GRID2: variants seen among roughly 807,000 people sequenced by gnomAD.
GRID2 encodes the protein glutamate ionotropic receptor delta type subunit 2, also known as glutamate receptor ionotropic, delta-2.
GRID2 carries 33 observed loss-of-function variants against 114.8 expected under a neutral mutation model. The ratio of observed to expected loss-of-function variants is 0.29; its 90% confidence interval spans 0.22 to 0.38. GRID2 has a LOEUF of 0.38. Ranked by LOEUF, GRID2 falls within the 10% of genes least tolerant of loss-of-function variation. The pLI, the probability that GRID2 is intolerant of heterozygous loss-of-function variation, is 1.00. For synonymous variants in GRID2, 505 were observed against 449.9 expected (o/e 1.12, Z -1.55); for missense variants, 1,184 against 1,257.7 (o/e 0.94, Z 0.89).
chr4:93,533,244 CTCTTCCTTCCTTCCTTCCTTCCTT>C (rs1206901646), intron 13 of GRID2, among the ~76,000 whole-genome samples: 6 of 142,570 alleles, frequency 4.2e-5, no homozygotes, highest in South Asian at 2.3e-4. Context: ...CTTTCTTTCT[CTCTTCCTTCCTTCCTTCCTTCCTT>C]CCTTCCTTCC....
intron 1 of GRID2, among the ~76,000 whole-genome samples, chr4:92,507,411 A>G (rs953505017): frequency 2.8e-5 from 3 of 105,344 alleles, no homozygotes; most frequent in African/African-American, 1.6e-4. Flanking sequence ...TTTCTCGTGT[A>G]TAATTGTGTG....
At position 93,628,904 on chromosome 4, in the gene GRID2, T is replaced by A. The variant is rs147720044; in HGVS notation, c.2360+2469T>A. On this transcript the variant is annotated intron_variant, in intron 14 of 15. Coordinates refer to ENST00000282020, the MANE Select transcript of GRID2 (RefSeq NM_001510.4). ...CCTCAGCCTCCCAAGTAGCTGGGAT[T>A]ACACATGCACGCCACCATACCCAGC... is the stretch of plus-strand genomic sequence containing the variant. Among the ~76,000 whole-genome samples, 823 of 152,010 alleles carry A rather than the reference T, an allele frequency of 5.4e-3. 7 individuals carry two copies. The highest frequency in any genetic ancestry group is 0.019 in the African/African-American group (804 of 41,452).
intron 2 of GRID2, among the ~76,000 whole-genome samples, chr4:93,062,672 A>T (rs1381944871): frequency 1.3e-5 from 2 of 152,058 alleles, no homozygotes; most frequent in African/African-American, 4.8e-5. Flanking sequence ...GGCTAAAAAG[A>T]GAGATCATTT....
chr4:93,250,210 C>A (rs546050026), intron 8 of GRID2, among the ~76,000 whole-genome samples: 1 of 152,182 alleles, frequency 6.6e-6, no homozygotes, highest in Non-Finnish European at 1.5e-5. Context: ...ACGGATGAAG[C>A]TGGAAACCAT....
chr4:93,783,677 T>C (rs72875992), intron 1 of GRID2, among the ~76,000 whole-genome samples: 6,066 of 152,244 alleles, frequency 0.04, 392 homozygotes, highest in African/African-American at 0.14. Context: ...GCACACCCAC[T>C]CATGTCCCTC....
chr4:92,617,889 G>T (rs1032867329), intron 2 of GRID2, among the ~76,000 whole-genome samples: 17 of 150,988 alleles, frequency 1.1e-4, no homozygotes, highest in Non-Finnish European at 1.9e-4. Flanking sequence ...TGAGAAATTT[G>T]AGTTTCTTTT....
intron 4 of GRID2, among the ~76,000 whole-genome samples, chr4:93,184,165 T>C (rs1327502482): frequency 6.6e-6 from 1 of 151,970 alleles, no homozygotes; most frequent in Non-Finnish European, 1.5e-5. Context: ...TAAACAGAAA[T>C]GTGTAGTCAG....
intron 2 of GRID2, among the ~76,000 whole-genome samples, chr4:92,884,260 G>C (rs1746216992): frequency 6.6e-6 from 1 of 152,126 alleles, no homozygotes; most frequent in African/African-American, 2.4e-5. Flanking sequence ...AGCCTTCATA[G>C]AGTTGAAGAG....
At chr4:93,572,239 G>T (rs13112819) in intron 13 of GRID2, among the ~76,000 whole-genome samples, 24,533 of 152,058 alleles carry the variant, frequency 0.16, 2,509 homozygotes, top group Middle Eastern at 0.28. Flanking sequence ...GCAAAAAATT[G>T]TGTAATTCAC....
intron 2 of GRID2, among the ~76,000 whole-genome samples, chr4:92,740,741 T>TAGATAGAC (rs1274693364): frequency 1.5e-3 from 212 of 145,178 alleles, no homozygotes; most frequent in Non-Finnish European, 2.5e-3. Flanking sequence ...GATAGATAGA[T>TAGATAGAC]GGATAGATAG....
chr4:93,474,936 T>G (rs1725181151), intron 11 of GRID2, among the ~76,000 whole-genome samples: 1 of 152,162 alleles, frequency 6.6e-6, no homozygotes, highest in Non-Finnish European at 1.5e-5. Context: ...ATATTTTGTT[T>G]CCTGACCTTT....
chr4:93,105,007 G>A (rs1417572079), intron 3 of GRID2, among the ~76,000 whole-genome samples: 3 of 151,772 alleles, frequency 2.0e-5, no homozygotes, highest in African/African-American at 7.3e-5. Flanking sequence ...ATTCTAACTG[G>A]TGTGAGATGG....
intron 14 of GRID2, among the ~76,000 whole-genome samples, chr4:93,666,167 T>A (rs1349723731): frequency 6.6e-6 from 1 of 152,150 alleles, no homozygotes; most frequent in Non-Finnish European, 1.5e-5. Flanking sequence ...TTATCTGCTA[T>A]GTCTTCATTG....
intron 2 of GRID2, among the ~76,000 whole-genome samples, chr4:92,887,469 A>T (rs1489798092): frequency 6.6e-6 from 1 of 152,146 alleles, no homozygotes; most frequent in East Asian, 1.9e-4. Flanking sequence ...TATGTGCAGA[A>T]ATCATTTGTG....
intron 1 of GRID2, among the ~76,000 whole-genome samples, chr4:92,342,447 G>T (rs1355338065): frequency 6.6e-6 from 1 of 152,142 alleles, no homozygotes; most frequent in Non-Finnish European, 1.5e-5. Flanking sequence ...TGAGCCTGAA[G>T]AAGCCATATA....
At chr4:93,433,626 A>T (rs1488293171) in intron 10 of GRID2, among the ~76,000 whole-genome samples, 1 of 152,106 alleles carries the variant, frequency 6.6e-6, no homozygotes, top group African/African-American at 2.4e-5. Flanking sequence ...TCCTGTGCTC[A>T]TCCCCACTCC....
intron 3 of GRID2, among the ~76,000 whole-genome samples, chr4:93,100,484 G>A (rs1731601376): frequency 6.6e-6 from 1 of 151,798 alleles, no homozygotes; most frequent in Non-Finnish European, 1.5e-5. Context: ...TATTTTCTCA[G>A]GAAGCAAGCC....
chr4:92,681,785 A>G lies in GRID2; in HGVS notation c.244+91499A>G, dbSNP rs1385177649. Among the ~76,000 whole-genome samples the G allele has an allele frequency of 3.9e-5, 6 of 152,310 alleles. No homozygotes were observed. In the South Asian group the frequency reaches 8.3e-4, roughly 21 times the overall value. ...AGTAACAGAAAAAGAGAAAAACAAT[A>G]GAGTCATTGGTTTGTTGATTTAAAA... is the stretch of plus-strand genomic sequence containing the variant. On this transcript the variant is annotated intron_variant, in intron 2 of 15. Transcript: ENST00000282020.
chr4:92,319,035 C>T (rs1266328595), intron 1 of GRID2, among the ~76,000 whole-genome samples: 1 of 152,102 alleles, frequency 6.6e-6, no homozygotes, highest in East Asian at 1.9e-4. Flanking sequence ...TTGAATATTT[C>T]ATAATGCGTA....
Sources: gnomAD v4.1 joint callset for allele counts (sites outside exome capture counted in the v4.1 genomes callset) on GRCh38, gnomAD v4.1.1 for gene constraint, MANE v1.5 for transcripts, NCBI Gene and HGNC (gene_info 2026-07-23, HGNC 2026-07-21) for gene names.